NRG1: variants seen among roughly 807,000 people sequenced by gnomAD.
The protein encoded by NRG1 is pro-neuregulin-1, membrane-bound isoform.
NRG1 carries 18 observed loss-of-function variants against 63.8 expected under a neutral mutation model. The observed-to-expected ratio is 0.28, with a 90% CI of 0.19 to 0.42. The LOEUF (loss-of-function observed/expected upper bound fraction) is 0.42. Among genes scored for constraint, NRG1 ranks in the 10% least tolerant of loss-of-function variants. The probability of loss-of-function intolerance (pLI) is 1.00; values close to 1 mark genes in which losing one functional copy is unlikely to be tolerated. For missense variants in NRG1, 762 were observed against 814.7 expected, an observed-to-expected ratio of 0.94 and a Z score of 0.79; for synonymous variants, 302 against 301.3, an observed-to-expected ratio of 1.00 and a Z score of -0.02.
At chr8:31,839,264 C>T (rs1825968653) in intron 1 of NRG1, among the ~76,000 whole-genome samples, 1 of 152,132 alleles carries the variant, frequency 6.6e-6, no homozygotes, top group South Asian at 2.1e-4. Flanking sequence ...CCCAGTGGTC[C>T]CTGCTGTGAA....
intron 1 of NRG1, among the ~76,000 whole-genome samples, chr8:31,782,034 T>C (rs1455879282): frequency 6.6e-6 from 1 of 152,150 alleles, no homozygotes; most frequent in African/African-American, 2.4e-5. Flanking sequence ...GCTTTTTCAC[T>C]GCCCTAGGTC....
At chr8:32,648,271 C>T (rs775405368) in intron 5 of NRG1, 42 of 1,613,948 alleles carry the variant, frequency 2.6e-5, no homozygotes, top group Non-Finnish European at 3.5e-5. Flanking sequence ...TCTTTCTTGC[C>T]GTCCACTGCG....
chr8:32,673,711 T>A (rs1448999739), intron 5 of NRG1, among the ~76,000 whole-genome samples: 1 of 152,204 alleles, frequency 6.6e-6, no homozygotes, highest in Non-Finnish European at 1.5e-5. Context: ...AATTCGTGCC[T>A]GCCTTTGAAC....
intron 1 of NRG1, among the ~76,000 whole-genome samples, chr8:32,233,385 C>T (rs551056290): frequency 1.1e-4 from 17 of 151,710 alleles, no homozygotes; most frequent in East Asian, 3.9e-4. Flanking sequence ...ATGTTATAGA[C>T]GTGAGCTACC....
At chr8:32,507,467 A>G (rs1178014976) in intron 1 of NRG1, among the ~76,000 whole-genome samples, 4 of 152,322 alleles carry the variant, frequency 2.6e-5, no homozygotes, top group East Asian at 3.9e-4. Flanking sequence ...AGGCATTTCA[A>G]CTGGAAAGTG....
chr8:31,690,379 A>C (rs1348576187), intron 1 of NRG1, among the ~76,000 whole-genome samples: 2 of 152,224 alleles, frequency 1.3e-5, no homozygotes, highest in Non-Finnish European at 2.9e-5. Flanking sequence ...CTATTTGAGT[A>C]AAGACTTTGA....
intron 1 of NRG1, among the ~76,000 whole-genome samples, chr8:31,776,611 C>A (rs1414985141): frequency 6.6e-6 from 1 of 151,996 alleles, no homozygotes; most frequent in Non-Finnish European, 1.5e-5. Context: ...CATATGTATA[C>A]ATGTGCCATG....
intron 1 of NRG1, among the ~76,000 whole-genome samples, chr8:31,734,553 T>G (rs1193357057): frequency 2.6e-5 from 4 of 152,056 alleles, no homozygotes; most frequent in African/African-American, 7.2e-5. Flanking sequence ...AAGTGGAAGC[T>G]TTTTTTTGTT....
At chr8:32,624,690 C>T (rs1848902220) in intron 5 of NRG1, among the ~76,000 whole-genome samples, 1 of 152,084 alleles carries the variant, frequency 6.6e-6, no homozygotes, top group South Asian at 2.1e-4. Context: ...TAACAGTGCC[C>T]TCTTTTTAAC....
At chr8:32,111,539 A>T (rs1012945762) in intron 1 of NRG1, among the ~76,000 whole-genome samples, 1 of 152,178 alleles carries the variant, frequency 6.6e-6, no homozygotes, top group Non-Finnish European at 1.5e-5. Flanking sequence ...TGTCTAGCAG[A>T]CTTGCTAGTC....
At chr8:32,583,817 T>A (rs10503921) in intron 1 of NRG1, among the ~76,000 whole-genome samples, 39,030 of 152,108 alleles carry the variant, frequency 0.26, 5,134 homozygotes, top group South Asian at 0.33. Flanking sequence ...TGTACACAAG[T>A]TGGTGCAATC....
chr8:31,921,366 G>C (rs1224358588), intron 1 of NRG1, among the ~76,000 whole-genome samples: 10 of 152,098 alleles, frequency 6.6e-5, no homozygotes, highest in Non-Finnish European at 1.5e-4. Context: ...AAGCGCTACA[G>C]CCTGTAGGAT....
At chr8:32,566,439 T>C (rs1837474880) in intron 1 of NRG1, among the ~76,000 whole-genome samples, 1 of 152,116 alleles carries the variant, frequency 6.6e-6, no homozygotes, top group African/African-American at 2.4e-5. Flanking sequence ...TTTACTCCTT[T>C]TGGGGTCCCA....
At chr8:32,560,366 G>A (rs755282777) in intron 1 of NRG1, among the ~76,000 whole-genome samples, 1 of 152,078 alleles carries the variant, frequency 6.6e-6, no homozygotes, top group Non-Finnish European at 1.5e-5. Flanking sequence ...GCAGAGTTTA[G>A]CATTTCACAT....
At chr8:32,513,208 T>C (rs1009793528) in intron 1 of NRG1, among the ~76,000 whole-genome samples, 4 of 150,946 alleles carry the variant, frequency 2.6e-5, no homozygotes, top group African/African-American at 4.9e-5. Flanking sequence ...TGTGTGCGTG[T>C]GTGTGTGTGT....
intron 1 of NRG1, among the ~76,000 whole-genome samples, chr8:32,002,180 C>A (rs540944460): frequency 6.6e-6 from 1 of 151,850 alleles, no homozygotes; most frequent in Non-Finnish European, 1.5e-5. Context: ...CATGCCACCA[C>A]GCCCAGCAAA....
chr8:31,683,423 A>T (rs564280480), intron 1 of NRG1, among the ~76,000 whole-genome samples: 1 of 152,190 alleles, frequency 6.6e-6, no homozygotes, highest in African/African-American at 2.4e-5. Context: ...TCTTAAGTGC[A>T]TATCATTAAG....
At chr8:31,848,295 G>T (rs187011960) in intron 1 of NRG1, among the ~76,000 whole-genome samples, 3 of 151,962 alleles carry the variant, frequency 2.0e-5, no homozygotes, top group African/African-American at 4.8e-5. Context: ...AAATTAGGCC[G>T]GTATTTTGGA....
chr8:32,702,188 A>G (rs528287855), intron 5 of NRG1, among the ~76,000 whole-genome samples: 1 of 152,336 alleles, frequency 6.6e-6, no homozygotes, highest in South Asian at 2.1e-4. Flanking sequence ...GTGTATCCTG[A>G]GTGCTGTCTT....
Sources: gnomAD v4.1 joint callset for allele counts (sites outside exome capture counted in the v4.1 genomes callset) on GRCh38, gnomAD v4.1.1 for gene constraint, MANE v1.5 for transcripts, NCBI Gene and HGNC (gene_info 2026-07-23, HGNC 2026-07-21) for gene names.